OTOF: variants seen among roughly 807,000 people sequenced by gnomAD.
OTOF encodes the protein fer-1-like family member 2.
Under a neutral mutation model 236.8 loss-of-function variants are expected in OTOF, and 218 were observed. The ratio of observed to expected loss-of-function variants is 0.92; its 90% CI spans 0.82 to 1.03. The LOEUF is 1.03. Ranked by LOEUF, OTOF falls within the 50% of genes least tolerant of loss-of-function variation. The pLI is 0.00. For missense variants in OTOF, 2,590 were observed against 2,694.4 expected (o/e 0.96, Z 0.86); for synonymous variants, 1,041 against 1,072.5 (o/e 0.97, Z 0.57).
At chr2:26,543,597 C>T (rs1402847574) in intron 1 of OTOF, among the ~76,000 whole-genome samples, 3 of 148,598 alleles carry the variant, frequency 2.0e-5, no homozygotes, top group Admixed American at 2.0e-4. Context: ...CTTGTTTCCT[C>T]ACCCTTAAAA....
intron 4 of OTOF, among the ~76,000 whole-genome samples, chr2:26,518,160 C>A (rs1412865547): frequency 6.6e-6 from 1 of 152,198 alleles, no homozygotes; most frequent in African/African-American, 2.4e-5. Flanking sequence ...TACACAGGAC[C>A]CCACTGGGGG....
At chr2:26,501,910 A>T in intron 7 of OTOF, 102 bp from the exon 8 acceptor site, 1 of 853,926 alleles carries the variant, frequency 1.2e-6, no homozygotes, top group Non-Finnish European at 2.0e-6. Flanking sequence ...GAGGGACAGA[A>T]TCATGGTCTT....
rs1050540782 is a variant in OTOF at position 26,514,596 on chromosome 2, C to A, written c.509+1822G>T. 2.6e-5 allele frequency among the ~76,000 whole-genome samples: 4 copies of A among 152,194 alleles called. No homozygotes were observed. In the East Asian group the frequency reaches 7.7e-4, roughly 29 times the overall value. On this transcript the variant is annotated intron_variant, in intron 5 of 46. Transcript: ENST00000272371. ...AGGATGTTGTTTCCCATGGATGTGA[C>A]CCACAGGTCCGGAGCATCCATGGGT... is the stretch of plus-strand genomic sequence containing the variant.
intron 41 of OTOF, among the ~76,000 whole-genome samples, chr2:26,463,083 G>A (rs1485991272): frequency 6.6e-6 from 1 of 152,176 alleles, no homozygotes; most frequent in Non-Finnish European, 1.5e-5. Flanking sequence ...GGGGTTCTGT[G>A]TGTTGTGAAG....
At chr2:26,516,011 C>T (rs912706232) in intron 5 of OTOF, among the ~76,000 whole-genome samples, 4 of 152,196 alleles carry the variant, frequency 2.6e-5, no homozygotes, top group African/African-American at 7.2e-5. Context: ...CTTGGGCCTC[C>T]TCACTGGGCC....
rs201944750 is a variant in OTOF, at chr2:26,462,170, C to A, written c.5204G>T (p.Arg1735Leu). 1 of 1,613,788 alleles carries A rather than the reference C, an allele frequency of 6.2e-7. No homozygotes were observed. The highest frequency in any genetic ancestry group is 8.5e-7 in the Non-Finnish European group (1 of 1,179,940). Residue 1735 changes from arginine to leucine, a missense_variant, in exon 42 of 47, where the codon CGG becomes CTG. By Grantham distance (102) the Arg-to-Leu change is moderately radical. Transcript: ENST00000272371. This position sits in a 1 kb window ranked among gnomAD's most constrained non-coding sequence, Gnocchi z 4.7. ...SPRKPKKYEL[R>L]VIIWNTDEVV... The stretch of plus-strand genomic sequence containing the variant: ...CTCATCTGTGTTCCAGATGATGACC[C>A]GCAGCTCGTACCTGGGCCCAGGGAG...
chr2:26,491,400 TG>T (rs1558496491), intron 9 of OTOF, among the ~76,000 whole-genome samples: 1 of 151,990 alleles, frequency 6.6e-6, no homozygotes, highest in Non-Finnish European at 1.5e-5. Flanking sequence ...TGGAGAAGTG[TG>T]TGGGAATGAG....
intron 11 of OTOF, among the ~76,000 whole-genome samples, chr2:26,485,074 G>A (rs1456393671): frequency 6.6e-6 from 1 of 152,188 alleles, no homozygotes; most frequent in African/African-American, 2.4e-5. Context: ...CAAAAGGCAT[G>A]GCCTGCAGGC....
At position 26,462,760 on chromosome 2, in the gene OTOF, C is replaced by A. The variant is rs1664540354; in HGVS notation, c.5193-579G>T. On this transcript the variant is annotated intron_variant, in intron 41 of 46. Coordinates refer to ENST00000272371, the MANE Select transcript of OTOF (RefSeq NM_194248.3). The surrounding 1 kb of genome is among the most constrained non-coding windows in gnomAD (Gnocchi z 4.7). ...GAATTTGCTGCATGATTTGCTGGGG[C>A]CAGCGCCAAATGGAAATGCAGGGTC... 6.6e-6 allele frequency among the ~76,000 whole-genome samples: 1 copy of A among 152,162 alleles called. No individual in the cohort carries two copies.
Position 26,460,573 on chromosome 2 carries a change from G to T in OTOF, c.5813+74C>A. 1 of 1,183,116 alleles carries T rather than the reference G, an allele frequency of 8.5e-7. No individual in the cohort carries two copies. The highest frequency in any genetic ancestry group is 1.3e-6 in the Non-Finnish European group (1 of 798,828). 73.3% of individuals were successfully genotyped at this position (1,183,116 alleles called of 1,614,324 possible). On this transcript the variant is annotated intron_variant, in intron 45 of 46. Transcript: ENST00000272371. This position sits in a 1 kb window ranked among gnomAD's most constrained non-coding sequence, Gnocchi z 5.3. ...TGGCCCAGGAAGAGATGGGGTGTCTGGGGATCGTCTCCTTCCTGTTCCAGC... is the reference window on the plus strand; with the variant it reads ...TGGCCCAGGAAGAGATGGGGTGTCTTGGGATCGTCTCCTTCCTGTTCCAGC...
At chr2:26,543,884 C>CT (rs1222229294) in intron 1 of OTOF, among the ~76,000 whole-genome samples, 5 of 152,036 alleles carry the variant, frequency 3.3e-5, no homozygotes, top group Non-Finnish European at 7.4e-5. Context: ...GCCTGGCTAA[C>CT]TTTTTTTGTA....
chr2:26,474,725 G>A, intron 25 of OTOF, 51 bp from the exon 26 acceptor site: 1 of 1,602,520 alleles, frequency 6.2e-7, no homozygotes, highest in South Asian at 1.1e-5. Flanking sequence ...GTCCACACCT[G>A]TGATCTCGTT....
Position 26,461,102 on chromosome 2 carries a change from C to CCTGTCTCTTATACACA in OTOF, c.5534-73_5534-72insTGTGTATAAGAGACAG. 13 of 1,143,930 alleles carry CCTGTCTCTTATACACA rather than the reference C, an allele frequency of 1.1e-5. No individual in the cohort carries two copies. Among genetic ancestry groups the CCTGTCTCTTATACACA allele is most frequent in the East Asian group, 5.1e-5 (2 of 39,142 alleles). 70.9% of individuals were successfully genotyped at this position (1,143,930 alleles called of 1,614,324 possible). A position where few individuals can be genotyped will look rare whatever the true frequency, so the allele number is the denominator to read the frequency against. The stretch of plus-strand genomic sequence containing the variant: ...GGCGGGGTGGGGGTGGGGGTCTGGG[C>CCTGTCTCTTATACACA]TCCTCGGCCCCTTGTTTGCTGAGTG... On this transcript the variant is annotated intron_variant, in intron 43 of 46. Coordinates refer to ENST00000272371, the MANE Select transcript of OTOF (RefSeq NM_194248.3). This position sits in a 1 kb window ranked among gnomAD's most constrained non-coding sequence, Gnocchi z 6.2.
Position 26,470,981 on chromosome 2 carries a change from G to A in OTOF, c.3894+140C>T. 2 of 1,190,148 alleles carry A rather than the reference G, an allele frequency of 1.7e-6. No homozygotes were observed. The highest frequency in any genetic ancestry group is 1.2e-6 in the Non-Finnish European group (1 of 804,676). 73.7% of individuals were successfully genotyped at this position (1,190,148 alleles called of 1,614,324 possible). On this transcript the variant is annotated intron_variant, in intron 31 of 46. Transcript: ENST00000272371. This position sits in a 1 kb window ranked among gnomAD's most constrained non-coding sequence, Gnocchi z 4.3. Reference sequence around the variant, plus strand: ...TGCACTCACCCAGCTCTTTTCCACTGCATCTTAGGGGAGGTGTGCTGGCCC... The same window carrying A: ...TGCACTCACCCAGCTCTTTTCCACTACATCTTAGGGGAGGTGTGCTGGCCC...
intron 33 of OTOF, among the ~76,000 whole-genome samples, chr2:26,468,033 T>C (rs1416313224): frequency 6.6e-6 from 1 of 152,244 alleles, no homozygotes; most frequent in African/African-American, 2.4e-5. Flanking sequence ...ACAAGCTGTT[T>C]CAATCAGCTT....
At chr2:26,481,972 C>T (rs907735913) in intron 14 of OTOF, among the ~76,000 whole-genome samples, 17 of 152,264 alleles carry the variant, frequency 1.1e-4, no homozygotes, top group Non-Finnish European at 4.4e-5. Flanking sequence ...GAACCCAGCA[C>T]AGGGCAGGGA....
intron 46 of OTOF, among the ~76,000 whole-genome samples, chr2:26,458,975 T>C (rs1362713889): frequency 2.0e-5 from 3 of 152,186 alleles, no homozygotes; most frequent in Non-Finnish European, 4.4e-5. Context: ...GGTTTCTTCA[T>C]GTATAAAATG....
intron 1 of OTOF, among the ~76,000 whole-genome samples, chr2:26,540,824 G>A (rs1667195775): frequency 6.6e-6 from 1 of 152,166 alleles, no homozygotes. Flanking sequence ...ACGGCAAAGA[G>A]ATGTGAAGTA....
At chr2:26,459,908 G>A in intron 46 of OTOF, 100 bp downstream of exon 46, 3 of 1,135,516 alleles carry the variant, frequency 2.6e-6, no homozygotes, top group Non-Finnish European at 3.8e-6. Context: ...GTGTGCACAT[G>A]TATGCATATT....
Sources: allele counts gnomAD v4.1 joint callset (sites outside exome capture counted in the v4.1 genomes callset), GRCh38; gene constraint gnomAD v4.1.1; non-coding constraint Gnocchi (gnomAD v3.1); transcripts MANE v1.5; gene names NCBI Gene and HGNC (gene_info 2026-07-23, HGNC 2026-07-21).